The following LINGO2 variants were observed in gnomAD, a reference collection of about 807,000 sequenced individuals.
The protein encoded by LINGO2 is leucine rich repeat and Ig domain containing 2, also known as leucine-rich repeat and immunoglobulin-like domain-containing nogo receptor-interacting protein 2.
In LINGO2, 14 loss-of-function variants were observed where a neutral mutation model predicts 30.6. That is an observed-to-expected ratio of 0.46 (90% confidence interval 0.30 to 0.72). LINGO2 has a LOEUF of 0.72. Ranked by LOEUF, LINGO2 falls within the 30% of genes least tolerant of loss-of-function variation. LINGO2 has a pLI of 0.07. For synonymous variants in LINGO2, 317 were observed against 288.5 expected, an observed-to-expected ratio of 1.10 and a Z score of -1.00; for missense variants, 729 against 751.7, an observed-to-expected ratio of 0.97 and a Z score of 0.35.
At chr9:28,285,562 T>A (rs1025516910) in intron 4 of LINGO2, among the ~76,000 whole-genome samples, 1 of 151,944 alleles carries the variant, frequency 6.6e-6, no homozygotes, top group East Asian at 2.0e-4. Flanking sequence ...CCCACCACCA[T>A]GCCTGGCTAA....
the LINGO2 span, among the ~76,000 whole-genome samples, chr9:29,170,248 C>T: frequency 2.0e-5 from 3 of 152,104 alleles, no homozygotes; most frequent in African/African-American, 7.2e-5. Flanking sequence ...TATATACATA[C>T]CATGGAATAC....
chr9:28,667,432 A>C (rs1828847352), intron 1 of LINGO2, among the ~76,000 whole-genome samples: 1 of 152,038 alleles, frequency 6.6e-6, no homozygotes. Flanking sequence ...CAAACAAGTC[A>C]TACCTAATCC....
At chr9:28,037,135 C>T (rs751014987) in intron 4 of LINGO2, among the ~76,000 whole-genome samples, 7 of 152,160 alleles carry the variant, frequency 4.6e-5, no homozygotes, top group Non-Finnish European at 7.3e-5. Context: ...AGTAGGAAAA[C>T]GGAAGTATGG....
At chr9:29,155,654 T>C in the LINGO2 span, among the ~76,000 whole-genome samples, 1 of 151,934 alleles carries the variant, frequency 6.6e-6, no homozygotes, top group Non-Finnish European at 1.5e-5. Flanking sequence ...TACTATTTTA[T>C]TGGAATAATT....
At chr9:28,709,798 C>A in the LINGO2 span, among the ~76,000 whole-genome samples, 1 of 151,804 alleles carries the variant, frequency 6.6e-6, no homozygotes, top group African/African-American at 2.4e-5. Flanking sequence ...ATATACTCAG[C>A]ATGATTCTCA....
chr9:29,040,558 G>A, the LINGO2 span, among the ~76,000 whole-genome samples: 52 of 146,100 alleles, frequency 3.6e-4, 1 homozygote, highest in African/African-American at 1.1e-3. Context: ...ACCTCTAGAC[G>A]CCTCTTTAAA....
intron 2 of LINGO2, among the ~76,000 whole-genome samples, chr9:28,415,883 A>G (rs1211399683): frequency 6.6e-6 from 1 of 152,192 alleles, no homozygotes; most frequent in East Asian, 1.9e-4. Flanking sequence ...ATATCTTTTT[A>G]GTATATTTAT....
At chr9:28,527,097 A>C (rs939288465) in intron 1 of LINGO2, among the ~76,000 whole-genome samples, 2 of 152,198 alleles carry the variant, frequency 1.3e-5, no homozygotes, top group Non-Finnish European at 2.9e-5. Context: ...ACAGAAGTAG[A>C]GTCATTTCAT....
At chr9:29,108,113 C>T in the LINGO2 span, among the ~76,000 whole-genome samples, 1 of 152,114 alleles carries the variant, frequency 6.6e-6, no homozygotes, top group Non-Finnish European at 1.5e-5. Flanking sequence ...GGAATTCTTG[C>T]TCCTATTCCA....
chr9:28,337,893 G>A lies in LINGO2; in HGVS notation c.-246+34943C>T, dbSNP rs972819082. Among the ~76,000 whole-genome samples the A allele has an allele frequency of 1.1e-4, 17 of 152,270 alleles. No homozygotes were observed. The East Asian group carries it at 3.1e-3, about 28-fold the overall frequency. ...GGTGGGGCCCTCATGGAGCACCTCTGTTAGAGAAGTGCAGAAGGGAAATGT... is the reference window on the plus strand; with the variant it reads ...GGTGGGGCCCTCATGGAGCACCTCTATTAGAGAAGTGCAGAAGGGAAATGT... On this transcript the variant is annotated intron_variant, in intron 3 of 5. Coordinates refer to ENST00000379992, the Ensembl canonical transcript of LINGO2.
At chr9:28,995,107 G>A in the LINGO2 span, among the ~76,000 whole-genome samples, 1 of 151,634 alleles carries the variant, frequency 6.6e-6, no homozygotes, top group East Asian at 1.9e-4. Flanking sequence ...AGAAAATTTT[G>A]GCAACCTACT....
chr9:28,323,351 A>G (rs1226629694), intron 3 of LINGO2, among the ~76,000 whole-genome samples: 1 of 152,140 alleles, frequency 6.6e-6, no homozygotes, highest in Non-Finnish European at 1.5e-5. Context: ...TGTAATCCCA[A>G]CACTTTGAGA....
At chr9:28,568,307 G>C (rs1823493924) in intron 1 of LINGO2, among the ~76,000 whole-genome samples, 1 of 152,028 alleles carries the variant, frequency 6.6e-6, no homozygotes, top group Non-Finnish European at 1.5e-5. Context: ...AGGAACAACA[G>C]ACACGGGGGT....
the LINGO2 span, among the ~76,000 whole-genome samples, chr9:29,031,272 G>GATTTATTTATTTATTTATTTATTT: frequency 2.7e-5 from 4 of 146,256 alleles, no homozygotes; most frequent in African/African-American, 1.0e-4. Context: ...TGGTGGTGGT[G>GATTTATTTATTTATTTATTTATTT]ATTTATTTAT....
At chr9:29,127,048 G>T in the LINGO2 span, among the ~76,000 whole-genome samples, 1 of 152,076 alleles carries the variant, frequency 6.6e-6, no homozygotes, top group Non-Finnish European at 1.5e-5. Flanking sequence ...CTCAGCCTCT[G>T]ATTGGTCACC....
chr9:29,186,782 A>G, the LINGO2 span, among the ~76,000 whole-genome samples: 4 of 151,962 alleles, frequency 2.6e-5, no homozygotes, highest in South Asian at 2.1e-4. Context: ...GGCAATGCCA[A>G]TTTTCTCATT....
chr9:28,049,491 G>A (rs528386164), intron 4 of LINGO2, among the ~76,000 whole-genome samples: 12 of 150,600 alleles, frequency 8.0e-5, no homozygotes, highest in Non-Finnish European at 1.8e-4. Flanking sequence ...ATTGCATATA[G>A]GGACTAGGCA....
At position 28,305,806 on chromosome 9, in the gene LINGO2, T is replaced by C. The variant is rs370399450; in HGVS notation, c.-245-10440A>G. ...CAACAATAATGGGTTTTCTAACCCA[T>C]GAATGTGGCGTTCATTCATTCATCT... On this transcript the variant is annotated intron_variant, in intron 3 of 5. Transcript: ENST00000379992. Among the ~76,000 whole-genome samples the C allele has an allele frequency of 4.9e-4, 74 of 152,170 alleles. 1 individual carries two copies. In the South Asian group the frequency reaches 8.9e-3, roughly 18 times the overall value.
At chr9:28,802,136 G>C in the LINGO2 span, among the ~76,000 whole-genome samples, 1 of 151,760 alleles carries the variant, frequency 6.6e-6, no homozygotes. Flanking sequence ...AACTTTTCTA[G>C]TTTACCTTCT....
Sources: allele counts gnomAD v4.1 joint callset (sites outside exome capture counted in the v4.1 genomes callset), GRCh38; gene constraint gnomAD v4.1.1; transcripts MANE v1.5; gene names NCBI Gene and HGNC (gene_info 2026-07-23, HGNC 2026-07-21).